Variants in RAB14 observed in about 807,000 individuals in gnomAD.
The protein encoded by RAB14 is RAB14, member RAS oncogene family.
RAB14 carries 3 observed loss-of-function variants against 31.1 expected under a neutral mutation model. The ratio of observed to expected loss-of-function variants is 0.10; its 90% CI spans 0.04 to 0.25. RAB14 has a LOEUF of 0.25. Ranked by LOEUF, RAB14 falls within the 10% of genes least tolerant of loss-of-function variation. RAB14 has a pLI of 1.00. For missense variants in RAB14, 111 were observed against 260.1 expected (o/e 0.43, Z 3.94); for synonymous variants, 85 against 84.9 (o/e 1.00, Z 0.00).
Position 121,181,465 on chromosome 9 carries a change from T to C in RAB14, c.579A>G (p.Lys193=), listed in dbSNP as rs1400768859. 1.1e-5 allele frequency: 17 copies of C among 1,613,110 alleles called. No individual in the cohort carries two copies. Among genetic ancestry groups the C allele is most frequent in the African/African-American group, 1.3e-5 (1 of 74,908 alleles). The change falls in exon 8 of 8, where the codon AAA becomes AAG. Residue 193 remains lysine (K), a synonymous_variant. Coordinates refer to ENST00000373840, the MANE Select transcript of RAB14 (RefSeq NM_016322.4). ...LNAAESGVQH[K]PSAPQGGRLT... Reference sequence around the variant, plus strand: ...GCCGGCCTCCCTGCGGGGCTGAAGGTTTGTGTTGTACACCAGACTCAGCAG... The same window carrying C: ...GCCGGCCTCCCTGCGGGGCTGAAGGCTTGTGTTGTACACCAGACTCAGCAG...
rs1554769119 is a variant in RAB14, at chr9:121,183,227, C to CG, written c.439+83_439+84insC. The CG allele has an allele frequency of 7.4e-6, 8 of 1,084,772 alleles. No homozygotes were observed. In the East Asian group the frequency reaches 2.0e-4, roughly 27 times the overall value. The allele number at this position is 1,084,772 out of a possible 1,614,324, so 67.2% of individuals were successfully genotyped here. Reference sequence around the variant, plus strand: ...TGAGTCTGCATTTAAAAAAAAAATGCAAAAAAAAACCAACAAAACTGTCAA... The same window carrying CG: ...TGAGTCTGCATTTAAAAAAAAAATGCGAAAAAAAAACCAACAAAACTGTCAA... On this transcript the variant is annotated intron_variant, in intron 6 of 7. Coordinates refer to ENST00000373840, the MANE Select transcript of RAB14 (RefSeq NM_016322.4).
chr9:121,183,042 T>C, intron 6 of RAB14, 82 bp from the exon 7 acceptor site: 1 of 1,380,496 alleles, frequency 7.2e-7, no homozygotes, highest in Non-Finnish European at 1.0e-6. Context: ...TGAAAAAGTT[T>C]CCCATCAGTT....
chr9:121,194,383 C>G (rs1164636818), intron 1 of RAB14, among the ~76,000 whole-genome samples: 3 of 152,002 alleles, frequency 2.0e-5, no homozygotes, highest in Non-Finnish European at 2.9e-5. Flanking sequence ...CATTTCTTAC[C>G]CTCAAATAGA....
chr9:121,184,683 C>A (rs2053650293), intron 5 of RAB14, among the ~76,000 whole-genome samples: 2 of 152,102 alleles, frequency 1.3e-5, no homozygotes, highest in African/African-American at 4.8e-5. Context: ...TGAATGTAAA[C>A]CTCATGCAAG....
At chr9:121,182,804 A>C (rs922027374) in intron 7 of RAB14, 126 bp downstream of exon 7, 3 of 555,604 alleles carry the variant, frequency 5.4e-6, no homozygotes, top group Non-Finnish European at 8.7e-6. Context: ...TTCTTCCTGC[A>C]GTAAGCATTA....
intron 1 of RAB14, among the ~76,000 whole-genome samples, chr9:121,201,395 G>GCA (rs2053777537): frequency 6.6e-6 from 1 of 152,060 alleles, no homozygotes; most frequent in African/African-American, 2.4e-5. Flanking sequence ...CCCGCCGGTT[G>GCA]GGGAGGGCAG....
chr9:121,191,490 G>T (rs948731023), intron 3 of RAB14, among the ~76,000 whole-genome samples: 2 of 152,036 alleles, frequency 1.3e-5, no homozygotes, highest in Admixed American at 6.6e-5. Flanking sequence ...ACAGGCATGA[G>T]CCACCACACC....
rs777787335 is a variant in RAB14 at position 121,190,631 on chromosome 9, T to G, written c.207A>C (p.Gly69=). ...KIKLQIWDTA[G]QERFRAVTRS... ...GTGTAACAGCCCTAAATCGCTCCTG[T>G]CCTGCCGTATCCCAAATCTGCAGTT... The change falls in exon 4 of 8, where the codon GGA becomes GGC. Residue 69 remains glycine, a synonymous_variant. Coordinates refer to ENST00000373840, the MANE Select transcript of RAB14 (RefSeq NM_016322.4). The G allele has an allele frequency of 8.1e-6, 13 of 1,613,130 alleles. No homozygotes were observed. The highest frequency in any genetic ancestry group is 2.7e-5 in the African/African-American group (2 of 74,840).
intron 1 of RAB14, among the ~76,000 whole-genome samples, chr9:121,197,961 TTTG>T (rs747783475): frequency 1.3e-5 from 2 of 151,884 alleles, no homozygotes; most frequent in East Asian, 1.9e-4. Flanking sequence ...CATCCATGAT[TTTG>T]TTAAGTGAAA....
In RAB14 at chr9:121,181,323, T is replaced by C. The variant is rs1392832124; in HGVS notation, c.*73A>G. 6 of 1,372,058 alleles carry C rather than the reference T, an allele frequency of 4.4e-6. No homozygotes were observed. Among genetic ancestry groups the C allele is most frequent in the Admixed American group, 4.6e-5 (2 of 43,852 alleles). The allele number at this position is 1,372,058 out of a possible 1,614,324, so 85.0% of individuals were successfully genotyped here. On this transcript the variant is annotated 3_prime_UTR_variant, in exon 8 of 8. Transcript: ENST00000373840. ...ACCCAGTAAGATGTACAGAAGACAA[T>C]GAGGCAGTAAAAAGTACTGCTTCCA...
chr9:121,201,067 C>T (rs190708666), intron 1 of RAB14, among the ~76,000 whole-genome samples: 1 of 152,180 alleles, frequency 6.6e-6, no homozygotes, highest in Non-Finnish European at 1.5e-5. Context: ...GACCCCGGCC[C>T]CGGCCCGGCC....
intron 1 of RAB14, among the ~76,000 whole-genome samples, chr9:121,195,887 T>C (rs961222885): frequency 6.6e-6 from 1 of 152,156 alleles, no homozygotes; most frequent in African/African-American, 2.4e-5. Flanking sequence ...TTGACTGATA[T>C]TAATACATTT....
At chr9:121,200,569 T>G (rs577941049) in intron 1 of RAB14, among the ~76,000 whole-genome samples, 1 of 152,330 alleles carries the variant, frequency 6.6e-6, no homozygotes, top group South Asian at 2.1e-4. Flanking sequence ...AGTGTAGTGG[T>G]TGACTTTATG....
At chr9:121,198,297 G>T (rs977360284) in intron 1 of RAB14, among the ~76,000 whole-genome samples, 1 of 151,910 alleles carries the variant, frequency 6.6e-6, no homozygotes, top group African/African-American at 2.4e-5. Context: ...CATTATTTCC[G>T]CATTTACTGA....
intron 5 of RAB14, among the ~76,000 whole-genome samples, chr9:121,184,987 C>T (rs933444410): frequency 6.6e-6 from 1 of 152,144 alleles, no homozygotes; most frequent in African/African-American, 2.4e-5. Flanking sequence ...CATAAAGTGG[C>T]ATGCTAATTA....
chr9:121,200,908 A>T (rs1223308624), intron 1 of RAB14, among the ~76,000 whole-genome samples: 1 of 152,194 alleles, frequency 6.6e-6, no homozygotes, highest in African/African-American at 2.4e-5. Context: ...AAAACACTCC[A>T]GCTCTGTCGT....
At chr9:121,190,127 A>G (rs764565458) in intron 4 of RAB14, among the ~76,000 whole-genome samples, 66 of 152,168 alleles carry the variant, frequency 4.3e-4, no homozygotes, top group Non-Finnish European at 5.3e-4. Flanking sequence ...AGTTTTTTAT[A>G]ATCTACCATG....
At chr9:121,190,852 A>G (rs950345784) in intron 3 of RAB14, 121 bp from the exon 4 acceptor site, 8 of 915,246 alleles carry the variant, frequency 8.7e-6, no homozygotes, top group Non-Finnish European at 1.3e-5. Flanking sequence ...TAAATAGACT[A>G]AAGCTACCGC....
chr9:121,190,712 G>A lies in RAB14; in HGVS notation c.126C>T (p.His42=), dbSNP rs1384544766. ...TEKKFMADCP[H]TIGVEFGTRI... is the part of the protein sequence containing the mutation. ...TTGTACCAAATTCAACACCAATTGT[G>A]TGAGGACAATCAGCCATAACTGTTA... is the stretch of plus-strand genomic sequence containing the variant. Residue 42 remains histidine, a synonymous_variant, in exon 4 of 8, where the codon CAC becomes CAT. Transcript: ENST00000373840. The A allele has an allele frequency of 6.2e-7, 1 of 1,613,038 alleles. No individual in the cohort carries two copies. The highest frequency in any genetic ancestry group is 1.7e-5 in the Admixed American group (1 of 59,836).
Sources: gnomAD v4.1 joint callset for allele counts (sites outside exome capture counted in the v4.1 genomes callset) on GRCh38, gnomAD v4.1.1 for gene constraint, MANE v1.5 for transcripts, NCBI Gene and HGNC (gene_info 2026-07-23, HGNC 2026-07-21) for gene names.